Variants in RPTOR observed in about 807,000 individuals in gnomAD.
RPTOR encodes the protein regulatory associated protein of MTOR complex 1.
A neutral mutation model predicts 169.9 loss-of-function variants in RPTOR; 21 were observed. That is an observed-to-expected ratio of 0.12 (90% CI 0.09 to 0.18). RPTOR has a LOEUF of 0.18. Ranked by LOEUF, RPTOR falls within the 10% of genes least tolerant of loss-of-function variation. The pLI, the probability that RPTOR is intolerant of heterozygous loss-of-function variation, is 1.00. For synonymous variants in RPTOR, 732 were observed against 753.2 expected, an observed-to-expected ratio of 0.97 and a Z score of 0.46; for missense variants, 1,133 against 1,855.9, an observed-to-expected ratio of 0.61 and a Z score of 7.16.
At chr17:80,911,522 C>T (rs1395439233) in intron 21 of RPTOR, among the ~76,000 whole-genome samples, 1 of 152,168 alleles carries the variant, frequency 6.6e-6, no homozygotes, top group Non-Finnish European at 1.5e-5. Context: ...TGGCTCACAC[C>T]TGTAATCCCA....
At chr17:80,849,975 G>T in intron 11 of RPTOR, among the ~76,000 whole-genome samples, 1 of 151,898 alleles carries the variant, frequency 6.6e-6, no homozygotes, top group African/African-American at 2.4e-5. Context: ...CTAGGTTATG[G>T]AAGAGAGGGG....
At chr17:80,912,507 G>A (rs1026166847) in intron 21 of RPTOR, among the ~76,000 whole-genome samples, 4 of 152,158 alleles carry the variant, frequency 2.6e-5, no homozygotes, top group African/African-American at 9.7e-5. Flanking sequence ...GCCTAATCTT[G>A]AAATATAAGG....
intron 5 of RPTOR, among the ~76,000 whole-genome samples, chr17:80,742,349 G>A (rs867768111): frequency 1.9e-4 from 29 of 152,208 alleles, no homozygotes; most frequent in Admixed American, 7.2e-4. Context: ...GAGCATCGAC[G>A]GTGGTCATTC....
chr17:80,853,791 ATG>A (rs1160898432), intron 11 of RPTOR, among the ~76,000 whole-genome samples: 18 of 152,202 alleles, frequency 1.2e-4, no homozygotes, highest in Non-Finnish European at 2.4e-4. Context: ...ATCCTGCCTA[ATG>A]CAGTGAAACC....
intron 9 of RPTOR, among the ~76,000 whole-genome samples, chr17:80,828,267 T>TGCTCCTGAGACCATGCG (rs1598335137): frequency 6.6e-6 from 1 of 152,170 alleles, no homozygotes; most frequent in East Asian, 1.9e-4. Flanking sequence ...CCTGGGAGCA[T>TGCTCCTGAGACCATGCG]GCTCCTGAGA....
chr17:80,911,252 AC>A (rs1231565174), intron 21 of RPTOR, among the ~76,000 whole-genome samples: 1 of 151,896 alleles, frequency 6.6e-6, no homozygotes, highest in Non-Finnish European at 1.5e-5. Context: ...TTCCTTCGTC[AC>A]CGCATCCCTG....
Position 80,920,678 on chromosome 17 carries a change from G to A in RPTOR, c.2521-2046G>A, listed in dbSNP as rs566666054. The stretch of plus-strand genomic sequence containing the variant: ...GACGTCCCAGGGCTCCTGAGTCACC[G>A]GCCCCAGCCCAGCAGCGCCTGAGCC... On this transcript the variant is annotated intron_variant, in intron 21 of 33. Transcript: ENST00000306801. 3.9e-5 allele frequency among the ~76,000 whole-genome samples: 6 copies of A among 152,308 alleles called. No individual in the cohort carries two copies. In the South Asian group the frequency reaches 8.3e-4, roughly 21 times the overall value.
At position 80,726,939 on chromosome 17, in the gene RPTOR, G is replaced by A. The variant is rs1298449467; in HGVS notation, c.508-3621G>A. 2.0e-5 allele frequency among the ~76,000 whole-genome samples: 3 copies of A among 152,092 alleles called. No homozygotes were observed. In the East Asian group the frequency reaches 5.8e-4, roughly 29 times the overall value. ...TGGAAGTGGGTGGGGGAGGAGAGGAGCATGCTTCCCCCAACCCCTGGGGAC... is the reference window on the plus strand; with the variant it reads ...TGGAAGTGGGTGGGGGAGGAGAGGAACATGCTTCCCCCAACCCCTGGGGAC... On this transcript the variant is annotated intron_variant, in intron 4 of 33. Coordinates refer to ENST00000306801, the MANE Select transcript of RPTOR (RefSeq NM_020761.3). This position sits in a 1 kb window ranked among gnomAD's most constrained non-coding sequence, Gnocchi z 4.5.
intron 20 of RPTOR, among the ~76,000 whole-genome samples, chr17:80,903,670 C>CT (rs1185419742): frequency 6.6e-6 from 1 of 152,184 alleles, no homozygotes; most frequent in Admixed American, 6.5e-5. Context: ...AGTTTCCTTC[C>CT]TTTTTTCCAA....
At chr17:80,774,162 G>A (rs576884341) in intron 6 of RPTOR, 38 of 985,358 alleles carry the variant, frequency 3.9e-5, no homozygotes, top group Non-Finnish European at 4.3e-5. Context: ...CTGAGAAAGC[G>A]GGGACTCTGG....
At chr17:80,945,579 G>A (rs909036552) in intron 25 of RPTOR, 88 bp from the exon 26 acceptor site, 36 of 802,416 alleles carry the variant, frequency 4.5e-5, no homozygotes, top group Non-Finnish European at 6.2e-5. Context: ...GCGACAGAGC[G>A]AGACTCCGTC....
rs1025786092 is a variant in RPTOR at position 80,803,274 on chromosome 17, T to G, written c.890+11765T>G. 5 of 152,218 alleles carry G rather than the reference T, an allele frequency of 3.3e-5. No homozygotes were observed. The highest frequency in any genetic ancestry group is 1.3e-4 in the Admixed American group (2 of 15,276). The allele number at this position is 152,218 out of a possible 1,614,324, so 9.4% of individuals were successfully genotyped here. A position where few individuals can be genotyped will look rare whatever the true frequency, so the allele number is the denominator to read the frequency against. On this transcript the variant is annotated intron_variant, in intron 7 of 33. Transcript: ENST00000306801. This position sits in a 1 kb window ranked among gnomAD's most constrained non-coding sequence, Gnocchi z 6.2. ...GAGCAGCCTCTGAGGCCATCTCCAT[T>G]TAAACTTCTGGAAACCGAGGCAAGG...
At chr17:80,616,549 GGCCTCCCGACGT>G (rs759042379) in intron 1 of RPTOR, among the ~76,000 whole-genome samples, 10 of 152,186 alleles carry the variant, frequency 6.6e-5, no homozygotes, top group Non-Finnish European at 1.5e-4. Context: ...TGCCTGCTTC[GGCCTCCCGACGT>G]GCAGGGATTA....
chr17:80,691,560 G>T (rs1406043662), intron 3 of RPTOR, among the ~76,000 whole-genome samples: 1 of 152,168 alleles, frequency 6.6e-6, no homozygotes, highest in Non-Finnish European at 1.5e-5. Flanking sequence ...TGTCCACGTC[G>T]TTCCATCTTT....
intron 28 of RPTOR, among the ~76,000 whole-genome samples, chr17:80,956,387 G>A (rs1036078686): frequency 3.9e-5 from 6 of 152,252 alleles, no homozygotes; most frequent in Non-Finnish European, 5.9e-5. Context: ...TGAGGTGGGG[G>A]TTGCTCTGCT....
At chr17:80,711,161 G>A (rs2066186830) in intron 4 of RPTOR, among the ~76,000 whole-genome samples, 1 of 152,182 alleles carries the variant, frequency 6.6e-6, no homozygotes, top group African/African-American at 2.4e-5. Flanking sequence ...AGTATCGGGG[G>A]TATCTGTGAG....
In RPTOR at chr17:80,938,432, A is replaced by G. The variant is rs558898821; in HGVS notation, c.2920-2064A>G. 6.6e-5 allele frequency among the ~76,000 whole-genome samples: 10 copies of G among 152,218 alleles called. No individual in the cohort carries two copies. The East Asian group carries it at 1.7e-3, about 26-fold the overall frequency. Reference sequence around the variant, plus strand: ...GAAGCCCGAGTCTCATTAAAGTGCAATGTCTCTGTTCCTGCACAGCTTTGA... The same window carrying G: ...GAAGCCCGAGTCTCATTAAAGTGCAGTGTCTCTGTTCCTGCACAGCTTTGA... On this transcript the variant is annotated intron_variant, in intron 24 of 33. Transcript: ENST00000306801.
At position 80,963,048 on chromosome 17, in the gene RPTOR, C is replaced by T. The variant is rs779234505; in HGVS notation, c.3930C>T (p.His1310=). 7.6e-6 allele frequency: 11 copies of T among 1,451,268 alleles called. No homozygotes were observed. The highest frequency in any genetic ancestry group is 1.9e-5 in the Admixed American group (1 of 52,962). 89.9% of individuals were successfully genotyped at this position (1,451,268 alleles called of 1,614,324 possible). ...RVGAISCLAF[H]PHWPHLAVGS... ...GCGCCATCAGCTGCCTGGCCTTCCA[C>T]CCGCACTGGGTCAGTGTGGCGGTGG... Residue 1310 remains histidine, a synonymous_variant, in exon 33 of 34, where the codon CAC becomes CAT. Coordinates refer to ENST00000306801, the MANE Select transcript of RPTOR (RefSeq NM_020761.3).
At chr17:80,625,642 C>T (rs779692040) in intron 1 of RPTOR, 49 bp from the exon 2 acceptor site, 20 of 1,374,356 alleles carry the variant, frequency 1.5e-5, no homozygotes, top group Middle Eastern at 2.0e-4. Context: ...AACACATAAA[C>T]GAGTTCCATA....
Sources: allele counts gnomAD v4.1 joint callset (sites outside exome capture counted in the v4.1 genomes callset), GRCh38; gene constraint gnomAD v4.1.1; non-coding constraint Gnocchi (gnomAD v3.1); transcripts MANE v1.5; gene names NCBI Gene and HGNC (gene_info 2026-07-23, HGNC 2026-07-21).